PDIA5: variants seen among roughly 807,000 people sequenced by gnomAD.
PDIA5 encodes the protein protein disulfide-isomerase A5.
A neutral mutation model predicts 77.6 loss-of-function variants in PDIA5; 58 were observed. That is an observed-to-expected ratio of 0.75 (90% confidence interval 0.61 to 0.93). PDIA5 has a LOEUF of 0.93. Among genes scored for constraint, PDIA5 ranks in the 40% least tolerant of loss-of-function variants. The pLI is 0.00. For synonymous variants in PDIA5, 250 were observed against 252.1 expected, an observed-to-expected ratio of 0.99 and a Z score of 0.08; for missense variants, 630 against 647.7, an observed-to-expected ratio of 0.97 and a Z score of 0.30.
intron 1 of PDIA5, among the ~76,000 whole-genome samples, chr3:123,076,797 C>T (rs375406633): frequency 2.0e-5 from 3 of 152,200 alleles, no homozygotes; most frequent in Non-Finnish European, 2.9e-5. Flanking sequence ...ACCAAGCTGG[C>T]GGTGATCCAG....
At chr3:123,140,977 G>A (rs372287955) in intron 11 of PDIA5, among the ~76,000 whole-genome samples, 49 of 152,274 alleles carry the variant, frequency 3.2e-4, no homozygotes, top group South Asian at 2.5e-3. Flanking sequence ...CAGGCCCACC[G>A]CTGATGGAAG....
At chr3:123,104,881 C>T (rs1228728005) in intron 5 of PDIA5, among the ~76,000 whole-genome samples, 3 of 152,214 alleles carry the variant, frequency 2.0e-5, no homozygotes, top group East Asian at 3.9e-4. Flanking sequence ...GTGCTGCTCC[C>T]TGCAGACTTT....
At chr3:123,113,138 C>G (rs1035526060) in intron 7 of PDIA5, among the ~76,000 whole-genome samples, 3 of 152,248 alleles carry the variant, frequency 2.0e-5, no homozygotes, top group Non-Finnish European at 4.4e-5. Flanking sequence ...CACACAGCCC[C>G]TAGAGGATGG....
Position 123,150,312 on chromosome 3 carries a change from C to T in PDIA5, c.1221C>T (p.Phe407=). ...TSVLHLVGDN[F]RETLKKKKHT... The stretch of plus-strand genomic sequence containing the variant: ...TGTTGCACCTGGTGGGGGACAACTT[C>T]CGGGAGACCCTGAAGAAGAAGAAAC... The change falls in exon 14 of 17, where the codon TTC becomes TTT. Residue 407 remains phenylalanine (F), a synonymous_variant. Transcript: ENST00000316218. The T allele has an allele frequency of 6.2e-7, 1 of 1,613,946 alleles. No homozygotes were observed. The highest frequency in any genetic ancestry group is 8.5e-7 in the Non-Finnish European group (1 of 1,179,950).
chr3:123,125,133 C>A (rs1935212795), intron 10 of PDIA5, among the ~76,000 whole-genome samples: 1 of 152,188 alleles, frequency 6.6e-6, no homozygotes, highest in South Asian at 2.1e-4. Flanking sequence ...TGGAAGCCTC[C>A]CCAGGCCACC....
rs755262995 is a variant in PDIA5, at chr3:123,116,291, G to C, written c.602G>C (p.Gly201Ala). The C allele has an allele frequency of 5.6e-6, 9 of 1,613,136 alleles. No individual in the cohort carries two copies. The highest frequency in any genetic ancestry group is 7.6e-6 in the Non-Finnish European group (9 of 1,179,740). ...CAGAAGGCTGCGACTCAGCTGCGAG[G>C]CCACGCCGTAAGTGAGGCGCCATTG... is the stretch of plus-strand genomic sequence containing the variant. ...HFQKAATQLR[G>A]HAVLAGMNVY... is the part of the protein sequence containing the mutation. Residue 201 changes from glycine (G) to alanine (A), a missense_variant, in exon 8 of 17, where the codon GGC becomes GCC. Gly to Ala is a moderately conservative substitution (Grantham distance 60, BLOSUM62 0). Transcript: ENST00000316218.
At chr3:123,101,485 A>G (rs559316364) in intron 3 of PDIA5, among the ~76,000 whole-genome samples, 2 of 152,316 alleles carry the variant, frequency 1.3e-5, no homozygotes, top group African/African-American at 4.8e-5. Context: ...AATATCCCAG[A>G]TGCCAAGGGA....
intron 6 of PDIA5, among the ~76,000 whole-genome samples, chr3:123,109,947 TATTTACCTA>T (rs1249441654): frequency 2.0e-5 from 3 of 152,270 alleles, no homozygotes; most frequent in Admixed American, 2.0e-4. Flanking sequence ...TGCCATCATT[TATTTACCTA>T]ATGCCTTCTT....
At position 123,102,530 on chromosome 3, in the gene PDIA5, G is replaced by C; in HGVS notation, c.341+36G>C. On this transcript the variant is annotated intron_variant, in intron 4 of 16. Coordinates refer to ENST00000316218, the MANE Select transcript of PDIA5 (RefSeq NM_006810.4). ...ATGGGCATTTCCAATTTCCAAGTAA[G>C]TGCCAAATGCTTTCATTGGTATTTT... 3 of 1,471,804 alleles carry C rather than the reference G, an allele frequency of 2.0e-6. 1 individual carries two copies. In the African/African-American group the frequency reaches 4.2e-5, roughly 20 times the overall value. The allele number at this position is 1,471,804 out of a possible 1,614,324, so 91.2% of individuals were successfully genotyped here.
intron 11 of PDIA5, among the ~76,000 whole-genome samples, chr3:123,135,294 G>A (rs907754426): frequency 3.3e-5 from 5 of 152,072 alleles, no homozygotes; most frequent in Admixed American, 6.5e-5. Context: ...GGGAGCAAGG[G>A]GGGCATCCCA....
intron 11 of PDIA5, among the ~76,000 whole-genome samples, chr3:123,137,801 C>T (rs1250841874): frequency 1.3e-5 from 2 of 152,210 alleles, no homozygotes; most frequent in Non-Finnish European, 2.9e-5. Context: ...TCTGCCTTCT[C>T]CCATCCTGAC....
intron 11 of PDIA5, among the ~76,000 whole-genome samples, chr3:123,143,229 CA>C (rs1459312955): frequency 4.6e-5 from 7 of 151,748 alleles, no homozygotes; most frequent in African/African-American, 1.7e-4. Flanking sequence ...ACTAAAAATA[CA>C]AAAAATTAGC....
At chr3:123,121,149 G>C (rs887471728) in intron 8 of PDIA5, among the ~76,000 whole-genome samples, 14 of 152,174 alleles carry the variant, frequency 9.2e-5, no homozygotes, top group African/African-American at 3.4e-4. Flanking sequence ...CTGCCTTCCA[G>C]TTAGATGGAA....
At position 123,136,363 on chromosome 3, in the gene PDIA5, C is replaced by T. The variant is rs114114682; in HGVS notation, c.910+5747C>T. ...AGTGAAAATCCCTCACTCTCCACGC[C>T]GTGCCCCTTCTCAGGGCTGGTCACC... On this transcript the variant is annotated intron_variant, in intron 11 of 16. Coordinates refer to ENST00000316218, the MANE Select transcript of PDIA5 (RefSeq NM_006810.4). Among the ~76,000 whole-genome samples, 55 of 152,296 alleles carry T rather than the reference C, an allele frequency of 3.6e-4. 1 individual carries two copies. The highest frequency in any genetic ancestry group is 1.1e-3 in the African/African-American group (46 of 41,560).
At chr3:123,091,563 C>CCCTG (rs1934283856) in intron 2 of PDIA5, among the ~76,000 whole-genome samples, 1 of 152,166 alleles carries the variant, frequency 6.6e-6, no homozygotes, top group Non-Finnish European at 1.5e-5. Flanking sequence ...GTCCCTAAGA[C>CCCTG]CCTGCCCTCC....
chr3:123,141,608 A>G (rs1560550309), intron 11 of PDIA5, among the ~76,000 whole-genome samples: 2 of 152,072 alleles, frequency 1.3e-5, no homozygotes, highest in South Asian at 2.1e-4. Context: ...AAAGCAGGAG[A>G]GTGGGGGGCT....
At chr3:123,149,617 G>C (rs1422098901) in intron 13 of PDIA5, among the ~76,000 whole-genome samples, 1 of 152,194 alleles carries the variant, frequency 6.6e-6, no homozygotes, top group African/African-American at 2.4e-5. Flanking sequence ...GCATTTATTA[G>C]AGCATCTAGG....
At position 123,089,232 on chromosome 3, in the gene PDIA5, C is replaced by A. The variant is rs568148051; in HGVS notation, c.107C>A (p.Pro36His). 5 of 1,613,906 alleles carry A rather than the reference C, an allele frequency of 3.1e-6. No individual in the cohort carries two copies. The South Asian group carries it at 5.5e-5, about 18-fold the overall frequency. The change falls in exon 2 of 17, where the codon CCC (proline) becomes CAC (histidine). Residue 36 changes from proline (P) to histidine (H), a missense_variant. Transcript: ENST00000316218. ...TCGCTCATTGAGAGAATCTCTGACC[C>A]CAAGGACTTGAAAAAACTGCTCAGA... ...VSSLIERISD[P>H]KDLKKLLRTR...
chr3:123,132,248 C>A (rs779636315), intron 11 of PDIA5, among the ~76,000 whole-genome samples: 2 of 152,160 alleles, frequency 1.3e-5, no homozygotes, highest in Non-Finnish European at 2.9e-5. Context: ...AGGGTCAGAG[C>A]CTGAGCCCCA....
Sources: allele counts gnomAD v4.1 joint callset (sites outside exome capture counted in the v4.1 genomes callset), GRCh38; gene constraint gnomAD v4.1.1; transcripts MANE v1.5; gene names NCBI Gene and HGNC (gene_info 2026-07-23, HGNC 2026-07-21).